Variants in CYYR1 observed in about 807,000 individuals in gnomAD.
CYYR1 encodes the protein cysteine and tyrosine-rich protein 1.
CYYR1 carries 14 observed loss-of-function variants against 15.2 expected under a neutral mutation model. The ratio of observed to expected loss-of-function variants is 0.92; its 90% CI spans 0.61 to 1.44. The LOEUF (loss-of-function observed/expected upper bound fraction) is 1.44. Among genes scored for constraint, CYYR1 ranks in the 40% most tolerant of loss-of-function variants. The pLI is 0.00. For synonymous variants in CYYR1, 80 were observed against 77.4 expected (o/e 1.03, Z -0.18); for missense variants, 228 against 209.5 (o/e 1.09, Z -0.54).
rs35253087 is a variant in CYYR1 at position 26,480,322 on chromosome 21, C to T, written c.284G>A (p.Arg95His). 3.4e-3 allele frequency: 5,506 copies of T among 1,613,418 alleles called. 163 individuals are homozygous for T. The African/African-American group carries it at 0.064, about 19-fold the overall frequency. The change falls in exon 3 of 4, where the codon CGC becomes CAC. Residue 95 changes from arginine (R) to histidine (H), a missense_variant. Physicochemically the swap from Arg to His is conservative, Grantham distance 29 (BLOSUM62 0). Transcript: ENST00000652641. ...GTGAGTCGTCCTGAGGATGCCCACG[C>T]GGGTCGCCCTGTGGTTCTTCATGCA... ...CMCMKNHRATRVGILRTTHIN... is the reference protein window; with the variant it reads ...CMCMKNHRATHVGILRTTHIN...
At chr21:26,511,786 C>T (rs2065651610) in intron 2 of CYYR1, among the ~76,000 whole-genome samples, 1 of 152,146 alleles carries the variant, frequency 6.6e-6, no homozygotes, top group Non-Finnish European at 1.5e-5. Context: ...TTGCTTTCCT[C>T]CTTTTATTCT....
chr21:26,496,454 GA>G (rs2065405897), intron 2 of CYYR1, among the ~76,000 whole-genome samples: 1 of 152,178 alleles, frequency 6.6e-6, no homozygotes, highest in South Asian at 2.1e-4. Context: ...TGCTGTTAAT[GA>G]ATATTGCTAT....
At chr21:26,567,087 G>A (rs888026521) in intron 1 of CYYR1, among the ~76,000 whole-genome samples, 10 of 151,660 alleles carry the variant, frequency 6.6e-5, no homozygotes, top group African/African-American at 2.2e-4. Context: ...AGAAGGTTTA[G>A]TGGCATATAT....
At chr21:26,549,963 G>A (rs1030664260) in intron 2 of CYYR1, among the ~76,000 whole-genome samples, 13 of 152,044 alleles carry the variant, frequency 8.6e-5, no homozygotes, top group Non-Finnish European at 1.3e-4. Context: ...TTTCTTTATT[G>A]AGTCTCACAG....
At chr21:26,539,093 C>A (rs559306102) in intron 2 of CYYR1, among the ~76,000 whole-genome samples, 3 of 152,068 alleles carry the variant, frequency 2.0e-5, no homozygotes, top group Admixed American at 6.6e-5. Context: ...AATTATACTA[C>A]GACGGTTTGT....
At chr21:26,553,803 A>G (rs1019957116) in intron 2 of CYYR1, among the ~76,000 whole-genome samples, 1 of 152,194 alleles carries the variant, frequency 6.6e-6, no homozygotes, top group Non-Finnish European at 1.5e-5. Context: ...TAATGAGACA[A>G]AAGCTATTTT....
intron 2 of CYYR1, among the ~76,000 whole-genome samples, chr21:26,488,746 T>A (rs893129187): frequency 2.6e-5 from 4 of 151,898 alleles, no homozygotes; most frequent in Middle Eastern, 3.2e-3. Context: ...GAAATAGGAG[T>A]GTAATGGCTG....
chr21:26,549,282 T>C (rs1377909790), intron 2 of CYYR1, among the ~76,000 whole-genome samples: 1 of 152,152 alleles, frequency 6.6e-6, no homozygotes, highest in Non-Finnish European at 1.5e-5. Context: ...TCCCATCTCA[T>C]AAATATTTAG....
At chr21:26,527,621 T>A (rs1281174337) in intron 2 of CYYR1, among the ~76,000 whole-genome samples, 3 of 152,220 alleles carry the variant, frequency 2.0e-5, no homozygotes, top group Non-Finnish European at 4.4e-5. Context: ...ATTGCTACTT[T>A]TGTACATTTC....
intron 2 of CYYR1, among the ~76,000 whole-genome samples, chr21:26,490,119 T>C (rs1351866436): frequency 6.6e-6 from 1 of 151,966 alleles, no homozygotes. Context: ...CCTGGCCACA[T>C]GGTGAAACCC....
chr21:26,479,318 A>T (rs2065142595), intron 3 of CYYR1, among the ~76,000 whole-genome samples: 1 of 151,760 alleles, frequency 6.6e-6, no homozygotes, highest in Admixed American at 6.6e-5. Context: ...AAAAAAAAAG[A>T]TTGACAGAGG....
At chr21:26,532,094 T>C (rs536926687) in intron 2 of CYYR1, among the ~76,000 whole-genome samples, 24 of 152,246 alleles carry the variant, frequency 1.6e-4, no homozygotes, top group African/African-American at 5.3e-4. Flanking sequence ...TCCTTACATA[T>C]GCAAAAAATA....
intron 3 of CYYR1, among the ~76,000 whole-genome samples, chr21:26,469,670 T>A (rs1358450663): frequency 6.6e-6 from 1 of 152,090 alleles, no homozygotes; most frequent in Non-Finnish European, 1.5e-5. Flanking sequence ...TGAAACTATA[T>A]ATTATTGTTG....
chr21:26,483,428 AG>A (rs1013626995), intron 2 of CYYR1: 187 of 956,458 alleles, frequency 2.0e-4, no homozygotes, highest in Non-Finnish European at 2.3e-4. Flanking sequence ...AAAAAAAAAA[AG>A]CTTGAAGTAG....
chr21:26,472,118 C>T (rs557075481), intron 3 of CYYR1, among the ~76,000 whole-genome samples: 8 of 152,158 alleles, frequency 5.3e-5, no homozygotes, highest in African/African-American at 1.9e-4. Flanking sequence ...GTCTCTTAGT[C>T]ATTTGTGCGT....
intron 2 of CYYR1, chr21:26,506,461 A>G (rs2065565116): frequency 6.6e-6 from 1 of 152,202 alleles, no homozygotes; most frequent in Admixed American, 6.5e-5. Context: ...TCCTGGGCCA[A>G]GGCTGAGTAA....
intron 2 of CYYR1, among the ~76,000 whole-genome samples, chr21:26,485,034 T>C (rs1038431307): frequency 2.0e-5 from 3 of 152,066 alleles, no homozygotes; most frequent in Non-Finnish European, 4.4e-5. Flanking sequence ...AATAGTAACT[T>C]TCCTGCATAT....
chr21:26,544,808 G>A (rs770678273), intron 2 of CYYR1, among the ~76,000 whole-genome samples: 4 of 151,990 alleles, frequency 2.6e-5, no homozygotes, highest in Non-Finnish European at 5.9e-5. Flanking sequence ...AAGAAAGGCC[G>A]AGAAAGGTGG....
intron 2 of CYYR1, among the ~76,000 whole-genome samples, chr21:26,561,042 T>C (rs1213577679): frequency 5.3e-5 from 8 of 152,254 alleles, no homozygotes; most frequent in African/African-American, 1.9e-4. Context: ...GTTTTAGTTA[T>C]CTACACATTT....
Sources: gnomAD v4.1 joint callset for allele counts (sites outside exome capture counted in the v4.1 genomes callset) on GRCh38, gnomAD v4.1.1 for gene constraint, MANE v1.5 for transcripts, NCBI Gene and HGNC (gene_info 2026-07-23, HGNC 2026-07-21) for gene names.